The following BMPR2 variants were observed in gnomAD, a reference collection of about 807,000 sequenced individuals.
The protein encoded by BMPR2 is bone morphogenetic protein receptor type-2.
A neutral mutation model predicts 100.8 loss-of-function variants in BMPR2; 29 were observed. That is an observed-to-expected ratio of 0.29 (90% CI 0.21 to 0.39). BMPR2 has a LOEUF of 0.39. Ranked by LOEUF, BMPR2 falls within the 10% of genes least tolerant of loss-of-function variation. The pLI is 1.00. For synonymous variants in BMPR2, 382 were observed against 442.3 expected, an observed-to-expected ratio of 0.86 and a Z score of 1.71; for missense variants, 1,011 against 1,274.5, an observed-to-expected ratio of 0.79 and a Z score of 3.15.
intron 1 of BMPR2, among the ~76,000 whole-genome samples, chr2:202,403,848 A>T (rs1413825304): frequency 6.6e-6 from 1 of 152,180 alleles, no homozygotes; most frequent in African/African-American, 2.4e-5. Context: ...TCTACTAAAA[A>T]TACAAAAGTA....
At chr2:202,485,545 C>CTTTTTTTTTTTTCTTTTTTTTT (rs1692757659) in intron 3 of BMPR2, among the ~76,000 whole-genome samples, 1 of 64,010 alleles carries the variant, frequency 1.6e-5, no homozygotes, top group Non-Finnish European at 2.7e-5. Context: ...TTGCCTTTAT[C>CTTTTTTTTTTTTCTTTTTTTTT]TTTTTTTTTT....
chr2:202,529,020 G>C (rs1029977413), intron 7 of BMPR2, among the ~76,000 whole-genome samples: 2 of 152,122 alleles, frequency 1.3e-5, no homozygotes, highest in African/African-American at 2.4e-5. Flanking sequence ...TTATTTATTT[G>C]TAATAAGATC....
intron 8 of BMPR2, 25 bp downstream of exon 8, chr2:202,530,979 A>G: frequency 6.2e-7 from 1 of 1,612,910 alleles, no homozygotes; most frequent in Non-Finnish European, 8.5e-7. Flanking sequence ...AAGGTATCAC[A>G]CTGATGTACT....
intron 1 of BMPR2, among the ~76,000 whole-genome samples, chr2:202,448,957 G>GTGTGTGTGTA (rs1691915978): frequency 6.8e-6 from 1 of 146,092 alleles, no homozygotes; most frequent in African/African-American, 2.6e-5. Context: ...GTGTGTGTGT[G>GTGTGTGTGTA]TGTGTATTTT....
At chr2:202,525,196 C>T (rs979935647) in intron 7 of BMPR2, among the ~76,000 whole-genome samples, 1 of 151,490 alleles carries the variant, frequency 6.6e-6, no homozygotes, top group African/African-American at 2.4e-5. Flanking sequence ...TTATGAGGTA[C>T]GTGAGTTTTG....
intron 3 of BMPR2, among the ~76,000 whole-genome samples, chr2:202,473,842 C>T (rs1354408666): frequency 2.6e-5 from 4 of 151,710 alleles, no homozygotes; most frequent in Non-Finnish European, 5.9e-5. Context: ...CGCAGTGGCT[C>T]ATGCCTGTAA....
Position 202,555,802 on chromosome 2 carries a change from C to G in BMPR2, c.2137C>G (p.Leu713Val). 6.2e-7 allele frequency: 1 copy of G among 1,614,144 alleles called. No individual in the cohort carries two copies. The highest frequency in any genetic ancestry group is 8.5e-7 in the Non-Finnish European group (1 of 1,180,036). The change falls in exon 12 of 13, where the codon CTT (leucine) becomes GTT (valine). Residue 713 changes from leucine (L) to valine (V), a missense_variant. Leu to Val is a conservative substitution (Grantham distance 32). Around this residue, in one of 6 missense-constraint regions of BMPR2, gnomAD observed 508 missense variants for 552.0 expected, o/e 0.92. Transcript: ENST00000374580. ...SSSLLYPLIK[L>V]AVEATGQQDF... ...TAGCTTGCTTTACCCACTCATAAAA[C>G]TTGCAGTAGAAGCAACTGGACAGCA...
rs771255805 is a variant in BMPR2 at position 202,376,542 on chromosome 2, G to GGCGGCGGCA, written c.-928_-927insGGCAGCGGC. 7.1e-6 allele frequency among the ~76,000 whole-genome samples: 1 copy of GGCGGCGGCA among 141,414 alleles called. No individual in the cohort carries two copies. Among genetic ancestry groups the GGCGGCGGCA allele is most frequent in the Non-Finnish European group, 1.5e-5 (1 of 65,242 alleles). 92.8% of individuals were successfully genotyped at this position (141,414 alleles called of 152,430 possible). Reference sequence around the variant, plus strand: ...CGGCGGCGGCGGCGGCGGCGGCGGCGGCGGCAGCAGCAGCGGCTTCCTCGG... The same window carrying GGCGGCGGCA: ...CGGCGGCGGCGGCGGCGGCGGCGGCGGCGGCGGCAGCGGCAGCAGCAGCGGCTTCCTCGG... On this transcript the variant is annotated 5_prime_UTR_variant, in exon 1 of 13. Transcript: ENST00000374580.
intron 3 of BMPR2, among the ~76,000 whole-genome samples, chr2:202,487,100 G>T (rs983900395): frequency 2.0e-5 from 3 of 151,978 alleles, no homozygotes; most frequent in East Asian, 1.9e-4. Context: ...CTTTTTATCC[G>T]CATGATAGCA....
At chr2:202,446,138 C>T (rs1408486232) in intron 1 of BMPR2, among the ~76,000 whole-genome samples, 3 of 150,502 alleles carry the variant, frequency 2.0e-5, no homozygotes, top group African/African-American at 2.5e-5. Flanking sequence ...TGGTGGCTCA[C>T]GCCTGTAATC....
rs143740797 is a variant in BMPR2 at position 202,518,937 on chromosome 2, T to A, written c.737T>A (p.Ile246Asn). 1.2e-5 allele frequency: 19 copies of A among 1,614,196 alleles called. No individual in the cohort carries two copies. The highest frequency in any genetic ancestry group is 1.6e-5 in the Non-Finnish European group (19 of 1,180,032). ...CAGAATTTTATCAACGAAAAGAACA[T>A]TTACAGAGTGCCTTTGATGGAACAT... ...NRQNFINEKN[I>N]YRVPLMEHDN... The change falls in exon 6 of 13, where the codon ATT becomes AAT. Residue 246 changes from isoleucine to asparagine, a missense_variant. Coordinates refer to ENST00000374580, the MANE Select transcript of BMPR2 (RefSeq NM_001204.7).
chr2:202,522,161 A>G (rs1332391256), intron 7 of BMPR2, among the ~76,000 whole-genome samples: 4 of 151,638 alleles, frequency 2.6e-5, no homozygotes, highest in Non-Finnish European at 5.9e-5. Context: ...CCTGTCTCAA[A>G]AAAACAAAAA....
rs1298254495 is a variant in BMPR2 at position 202,514,948 on chromosome 2, C to T, written c.590C>T (p.Ser197Phe). The T allele has an allele frequency of 1.9e-6, 3 of 1,614,016 alleles. No homozygotes were observed. In the African/African-American group the frequency reaches 4.0e-5, roughly 22 times the overall value. Reference sequence around the variant, plus strand: ...ATGGAGGCAGCAGCATCCGAACCCTCTCTTGATCTAGATAATCTGAAACTG... The same window carrying T: ...ATGGAGGCAGCAGCATCCGAACCCTTTCTTGATCTAGATAATCTGAAACTG... ...NMMEAAASEPSLDLDNLKLLE... is the reference protein window; with the variant it reads ...NMMEAAASEPFLDLDNLKLLE... Residue 197 changes from serine (S) to phenylalanine (F), a missense_variant, in exon 5 of 13, where the codon TCT (serine) becomes TTT (phenylalanine). Transcript: ENST00000374580.
intron 1 of BMPR2, among the ~76,000 whole-genome samples, chr2:202,450,827 T>C (rs1429230947): frequency 6.6e-6 from 1 of 152,126 alleles, no homozygotes; most frequent in Non-Finnish European, 1.5e-5. Flanking sequence ...ATTAAGATAC[T>C]CTGTTTTTCA....
chr2:202,542,527 T>TAATAA, intron 10 of BMPR2, 80 bp downstream of exon 10: 1 of 1,507,794 alleles, frequency 6.6e-7, no homozygotes, highest in Non-Finnish European at 9.1e-7. Context: ...AATAGACTGT[T>TAATAA]AATAACGTTA....
At chr2:202,401,487 T>C (rs188074214) in intron 1 of BMPR2, among the ~76,000 whole-genome samples, 5 of 152,314 alleles carry the variant, frequency 3.3e-5, no homozygotes, top group Admixed American at 3.3e-4. Flanking sequence ...GAGATAATGA[T>C]CAGTAGACCG....
rs1439928746 is a variant in BMPR2 at position 202,503,859 on chromosome 2, C to A, written c.419-9860C>A. On this transcript the variant is annotated intron_variant, in intron 3 of 12. Transcript: ENST00000374580. The surrounding 1 kb of genome is among the most constrained non-coding windows in gnomAD (Gnocchi z 4.0). Reference sequence around the variant, plus strand: ...TGAGTCTGGTGGGGACATGGAGAACCTTTATGTCTAGCTCAGGGATTGTAA... The same window carrying A: ...TGAGTCTGGTGGGGACATGGAGAACATTTATGTCTAGCTCAGGGATTGTAA... 6.6e-6 allele frequency among the ~76,000 whole-genome samples: 1 copy of A among 152,200 alleles called. No individual in the cohort carries two copies. Among genetic ancestry groups the A allele is most frequent in the East Asian group, 1.9e-4 (1 of 5,192 alleles).
chr2:202,485,619 T>A (rs796814563), intron 3 of BMPR2, among the ~76,000 whole-genome samples: 11 of 140,930 alleles, frequency 7.8e-5, no homozygotes, highest in African/African-American at 2.9e-4. Flanking sequence ...TGATCTCAGC[T>A]CACTACAGCC....
intron 7 of BMPR2, among the ~76,000 whole-genome samples, chr2:202,523,779 G>C (rs1367384888): frequency 3.3e-5 from 5 of 152,000 alleles, no homozygotes; most frequent in Non-Finnish European, 7.4e-5. Flanking sequence ...ACTCCAGCCT[G>C]GGCAGCAAGA....
Sources: allele counts gnomAD v4.1 joint callset (sites outside exome capture counted in the v4.1 genomes callset), GRCh38; gene constraint gnomAD v4.1.1; regional missense constraint gnomAD v4.1.1; non-coding constraint Gnocchi (gnomAD v3.1); transcripts MANE v1.5; gene names NCBI Gene and HGNC (gene_info 2026-07-23, HGNC 2026-07-21).